The following DPP6 variants were observed in gnomAD, a reference collection of about 807,000 sequenced individuals.
DPP6 encodes dipeptidyl peptidase like 6.
A neutral mutation model predicts 122.6 loss-of-function variants in DPP6; 69 were observed. The ratio of observed to expected loss-of-function variants is 0.56; its 90% CI spans 0.46 to 0.69. The LOEUF (loss-of-function observed/expected upper bound fraction) is 0.69, where lower values mean the gene tolerates loss of function less well. Ranked by LOEUF, DPP6 falls within the 30% of genes least tolerant of loss-of-function variation. The pLI, the probability that DPP6 is intolerant of heterozygous loss-of-function variation, is 0.00. For missense variants in DPP6, 928 were observed against 1,116.9 expected, an observed-to-expected ratio of 0.83 and a Z score of 2.41; for synonymous variants, 418 against 433.1, an observed-to-expected ratio of 0.97 and a Z score of 0.43.
chr7:154,664,886 G>T (rs547406597), intron 6 of DPP6, among the ~76,000 whole-genome samples: 4 of 152,250 alleles, frequency 2.6e-5, no homozygotes, highest in South Asian at 4.1e-4. Context: ...ATAGCATATT[G>T]TATAACTTTG....
intron 1 of DPP6, among the ~76,000 whole-genome samples, chr7:153,935,997 A>G (rs1268397099): frequency 6.6e-6 from 1 of 152,132 alleles, no homozygotes; most frequent in African/African-American, 2.4e-5. Flanking sequence ...ATGTTATTTA[A>G]TTTTCTTTTA....
chr7:154,342,852 T>C (rs1314997573), intron 1 of DPP6, among the ~76,000 whole-genome samples: 1 of 152,228 alleles, frequency 6.6e-6, no homozygotes, highest in Non-Finnish European at 1.5e-5. Context: ...AGTGCTGAAC[T>C]GGCAAGCCAA....
chr7:154,294,866 C>T (rs1461949481), intron 1 of DPP6, among the ~76,000 whole-genome samples: 1 of 152,180 alleles, frequency 6.6e-6, no homozygotes, highest in East Asian at 1.9e-4. Flanking sequence ...ACAGCTGGCA[C>T]CAAATTCTGG....
rs546492981 is a variant in DPP6 at position 154,208,882 on chromosome 7, A to G, written c.243+155819A>G. On this transcript the variant is annotated intron_variant, in intron 1 of 25. Transcript: ENST00000377770. ...AGAATTTAGAACATATTAAATATGT[A>G]GGCTTTAAAGATTCTTTCCTTGCCT... Among the ~76,000 whole-genome samples the G allele has an allele frequency of 2.0e-5, 3 of 152,322 alleles. No homozygotes were observed. In the East Asian group the frequency reaches 5.8e-4, roughly 29 times the overall value.
intron 1 of DPP6, among the ~76,000 whole-genome samples, chr7:154,014,462 C>G (rs1798303088): frequency 6.6e-6 from 1 of 150,780 alleles, no homozygotes; most frequent in Admixed American, 6.6e-5. Flanking sequence ...CGAGACCAAC[C>G]TGCCCAACAT....
At chr7:154,876,347 G>C (rs190826844) in intron 20 of DPP6, 1 of 628,964 alleles carries the variant, frequency 1.6e-6, no homozygotes, top group Admixed American at 4.3e-5. Flanking sequence ...AAAACAAGGG[G>C]ATAGAAATTG....
intron 1 of DPP6, among the ~76,000 whole-genome samples, chr7:154,260,702 T>TTA (rs1042854238): frequency 6.8e-6 from 1 of 147,670 alleles, no homozygotes; most frequent in African/African-American, 2.5e-5. Flanking sequence ...ATAATATATA[T>TTA]TATATATATT....
chr7:154,583,644 C>T (rs1490084745), intron 5 of DPP6, among the ~76,000 whole-genome samples: 3 of 152,212 alleles, frequency 2.0e-5, no homozygotes, highest in African/African-American at 4.8e-5. Flanking sequence ...CGGGACCCAG[C>T]CCACACCCTG....
intron 1 of DPP6, among the ~76,000 whole-genome samples, chr7:153,907,949 C>A (rs1799918268): frequency 1.3e-5 from 2 of 149,112 alleles, no homozygotes; most frequent in South Asian, 4.3e-4. Flanking sequence ...ATCTGGAGGG[C>A]TTTTATGGAA....
intron 1 of DPP6, among the ~76,000 whole-genome samples, chr7:154,066,536 T>C (rs1802740739): frequency 6.6e-6 from 1 of 152,126 alleles, no homozygotes. Flanking sequence ...CCATTGCGAA[T>C]GGAGTGAGTG....
At chr7:154,813,113 C>T (rs1799175076) in intron 16 of DPP6, among the ~76,000 whole-genome samples, 1 of 150,902 alleles carries the variant, frequency 6.6e-6, no homozygotes, top group African/African-American at 2.4e-5. Context: ...CAGAGTCTCG[C>T]TCTGTTGCCC....
At position 154,892,641 on chromosome 7, in the gene DPP6, C is replaced by A; in HGVS notation, c.*161C>A. On this transcript the variant is annotated 3_prime_UTR_variant, in exon 26 of 26. Coordinates refer to ENST00000377770, the MANE Select transcript of DPP6 (RefSeq NM_130797.4). Reference sequence around the variant, plus strand: ...GCGGAAGGCAGTTTTGCTTGGGAAACAAGCTCCTTCCCCGGGGTCATCACT... The same window carrying A: ...GCGGAAGGCAGTTTTGCTTGGGAAAAAAGCTCCTTCCCCGGGGTCATCACT... 1 of 1,407,432 alleles carries A rather than the reference C, an allele frequency of 7.1e-7. No homozygotes were observed. Among genetic ancestry groups the A allele is most frequent in the Non-Finnish European group, 9.7e-7 (1 of 1,029,528 alleles). The allele number at this position is 1,407,432 out of a possible 1,614,324, so 87.2% of individuals were successfully genotyped here. A position where few individuals can be genotyped will look rare whatever the true frequency, so the allele number is the denominator to read the frequency against.
At chr7:153,977,027 ACTT>A (rs1401746234) in intron 1 of DPP6, among the ~76,000 whole-genome samples, 2 of 152,180 alleles carry the variant, frequency 1.3e-5, no homozygotes, top group Non-Finnish European at 1.5e-5. Flanking sequence ...CATTCTGCAC[ACTT>A]CTTCTAAGCT....
chr7:154,654,577 C>T (rs1052896489), intron 6 of DPP6, among the ~76,000 whole-genome samples: 8 of 151,950 alleles, frequency 5.3e-5, no homozygotes, highest in African/African-American at 1.9e-4. Context: ...TGCCACCACA[C>T]CCAGCTAATT....
At chr7:154,057,625 T>A (rs536048946) in intron 1 of DPP6, 1 of 150,866 alleles carries the variant, frequency 6.6e-6, no homozygotes, top group African/African-American at 2.5e-5. Flanking sequence ...TGTGGGGTTT[T>A]GTAGGCTGTG....
intron 1 of DPP6, among the ~76,000 whole-genome samples, chr7:153,951,461 C>T (rs1015409939): frequency 1.3e-5 from 2 of 152,118 alleles, no homozygotes; most frequent in African/African-American, 4.8e-5. Flanking sequence ...GATTGAGCTC[C>T]ACTCTTTTCC....
the DPP6 span, among the ~76,000 whole-genome samples, chr7:153,803,236 C>G: frequency 6.2e-5 from 9 of 145,266 alleles, no homozygotes; most frequent in East Asian, 1.6e-3. Context: ...CAAACAGTGA[C>G]GGTTAACTTA....
intron 6 of DPP6, among the ~76,000 whole-genome samples, chr7:154,652,478 T>A (rs1165129236): frequency 6.6e-6 from 1 of 151,888 alleles, no homozygotes; most frequent in Non-Finnish European, 1.5e-5. Flanking sequence ...GCCTCATTAG[T>A]GTCCTTGGAT....
intron 6 of DPP6, among the ~76,000 whole-genome samples, chr7:154,663,833 C>T (rs1439974898): frequency 8.8e-6 from 1 of 113,192 alleles, no homozygotes; most frequent in Non-Finnish European, 2.0e-5. Flanking sequence ...GCGTATTGGG[C>T]GTAGTATTCA....
Sources: gnomAD v4.1 joint callset for allele counts (sites outside exome capture counted in the v4.1 genomes callset) on GRCh38, gnomAD v4.1.1 for gene constraint, MANE v1.5 for transcripts, NCBI Gene and HGNC (gene_info 2026-07-23, HGNC 2026-07-21) for gene names.